The following NELL1 variants were observed in gnomAD, a reference collection of about 807,000 sequenced individuals.
NELL1 encodes protein kinase C-binding protein NELL1.
Under a neutral mutation model 107.4 loss-of-function variants are expected in NELL1, and 76 were observed. The observed-to-expected ratio is 0.71, with a 90% CI of 0.59 to 0.86. NELL1 has a LOEUF of 0.86. NELL1 is among the 40% of genes least tolerant of loss of function. The pLI, the probability that NELL1 is intolerant of heterozygous loss-of-function variation, is 0.00. For synonymous variants in NELL1, 353 were observed against 341.2 expected, an observed-to-expected ratio of 1.03 and a Z score of -0.38; for missense variants, 1,024 against 1,005.5, an observed-to-expected ratio of 1.02 and a Z score of -0.25.
At chr11:21,141,833 G>A (rs905428938) in intron 13 of NELL1, among the ~76,000 whole-genome samples, 3 of 151,404 alleles carry the variant, frequency 2.0e-5, no homozygotes, top group African/African-American at 7.3e-5. Context: ...GCATGATCTC[G>A]GCTCACTGCA....
At chr11:20,904,899 G>T (rs771205989) in intron 5 of NELL1, among the ~76,000 whole-genome samples, 2 of 151,734 alleles carry the variant, frequency 1.3e-5, no homozygotes, top group East Asian at 3.9e-4. Context: ...TATGATCATG[G>T]CTCACTGCAG....
intron 16 of NELL1, among the ~76,000 whole-genome samples, chr11:21,546,111 C>T (rs145647339): frequency 6.6e-6 from 1 of 151,996 alleles, no homozygotes; most frequent in Non-Finnish European, 1.5e-5. Context: ...ATCTTGGCCA[C>T]TAACAATGTG....
intron 14 of NELL1, among the ~76,000 whole-genome samples, chr11:21,362,365 A>G (rs970839518): frequency 6.6e-6 from 1 of 152,214 alleles, no homozygotes; most frequent in African/African-American, 2.4e-5. Context: ...TCTTCCAGCC[A>G]TGGATACCAG....
intron 13 of NELL1, among the ~76,000 whole-genome samples, chr11:21,121,368 A>G (rs1855364116): frequency 6.6e-6 from 1 of 152,294 alleles, no homozygotes; most frequent in African/African-American, 2.4e-5. Context: ...TGAGATGTAT[A>G]AGACGCTGGA....
At chr11:21,101,453 C>G (rs1382417896) in intron 12 of NELL1, among the ~76,000 whole-genome samples, 1 of 152,180 alleles carries the variant, frequency 6.6e-6, no homozygotes, top group Non-Finnish European at 1.5e-5. Flanking sequence ...ACAGTCCCAA[C>G]AACAGTGTAA....
intron 6 of NELL1, 76 bp downstream of exon 6, chr11:20,918,330 A>T (rs1254549572): frequency 2.2e-6 from 2 of 900,404 alleles, no homozygotes; most frequent in Non-Finnish European, 3.7e-6. Context: ...CTGGAAAGAT[A>T]GACCCAAATT....
chr11:21,272,052 G>C (rs1341325417), intron 14 of NELL1, among the ~76,000 whole-genome samples: 1 of 152,154 alleles, frequency 6.6e-6, no homozygotes, highest in East Asian at 1.9e-4. Context: ...TCGGAAAGTG[G>C]GTGCAGGACA....
intron 14 of NELL1, among the ~76,000 whole-genome samples, chr11:21,345,862 T>C (rs1358837277): frequency 6.6e-6 from 1 of 152,222 alleles, no homozygotes; most frequent in Non-Finnish European, 1.5e-5. Context: ...TAGGAATAAC[T>C]GGCACCTTCA....
rs1186921266 is a variant in NELL1 at position 20,677,886 on chromosome 11, TAA to T, written c.56-45_56-44del. On this transcript the variant is annotated intron_variant, in intron 1 of 19. Coordinates refer to ENST00000357134, the MANE Select transcript of NELL1 (RefSeq NM_006157.5). ...CGACTCTGTAACCTCTGAATGCTAG[TAA>T]CAGTCTGCATTTTAAGCCCAAACAA... 11 of 1,610,102 alleles carry T rather than the reference TAA, an allele frequency of 6.8e-6. No individual in the cohort carries two copies. In the African/African-American group the frequency reaches 1.2e-4, roughly 18 times the overall value.
At chr11:21,049,460 C>G (rs1853438068) in intron 12 of NELL1, among the ~76,000 whole-genome samples, 1 of 152,124 alleles carries the variant, frequency 6.6e-6, no homozygotes, top group Admixed American at 6.6e-5. Flanking sequence ...AATTACATCT[C>G]TTTTAGCCAA....
intron 14 of NELL1, among the ~76,000 whole-genome samples, chr11:21,331,033 G>A (rs761744173): frequency 6.6e-6 from 1 of 151,922 alleles, no homozygotes; most frequent in Non-Finnish European, 1.5e-5. Context: ...AGTTATATTA[G>A]TTTCCTACTG....
chr11:21,558,860 T>C (rs1440890155), intron 16 of NELL1, among the ~76,000 whole-genome samples: 1 of 151,936 alleles, frequency 6.6e-6, no homozygotes, highest in Non-Finnish European at 1.5e-5. Context: ...TGAAAGAAGA[T>C]TGAAGAGATA....
chr11:21,412,779 C>T (rs1176229740), intron 15 of NELL1, among the ~76,000 whole-genome samples: 3 of 152,078 alleles, frequency 2.0e-5, no homozygotes, highest in Non-Finnish European at 2.9e-5. Flanking sequence ...TTAAGTATAA[C>T]TCCTGGCCTG....
At chr11:20,731,789 A>G (rs192650701) in intron 2 of NELL1, among the ~76,000 whole-genome samples, 47 of 152,348 alleles carry the variant, frequency 3.1e-4, no homozygotes, top group South Asian at 6.2e-4. Flanking sequence ...AATGCTAAGC[A>G]TATGTCCGGG....
intron 13 of NELL1, among the ~76,000 whole-genome samples, chr11:21,219,298 T>C (rs1857693650): frequency 6.6e-6 from 1 of 152,170 alleles, no homozygotes; most frequent in Non-Finnish European, 1.5e-5. Flanking sequence ...AAGTGAGTGT[T>C]CAGATTATTT....
At chr11:20,870,134 A>C (rs970275232) in intron 4 of NELL1, among the ~76,000 whole-genome samples, 2 of 152,196 alleles carry the variant, frequency 1.3e-5, no homozygotes, top group Non-Finnish European at 2.9e-5. Flanking sequence ...TAAATAGGTA[A>C]GTAGGGCAGG....
chr11:20,693,612 C>G (rs960404397), intron 2 of NELL1, among the ~76,000 whole-genome samples: 1 of 152,092 alleles, frequency 6.6e-6, no homozygotes, highest in Non-Finnish European at 1.5e-5. Flanking sequence ...TGAATATTGG[C>G]CCCCACTCTT....
intron 15 of NELL1, among the ~76,000 whole-genome samples, chr11:21,402,037 A>G (rs1436172628): frequency 3.3e-5 from 5 of 151,804 alleles, no homozygotes; most frequent in Non-Finnish European, 7.4e-5. Context: ...AAAGTCTTCA[A>G]ATCTGGATAT....
At chr11:21,405,665 T>G (rs540020755) in intron 15 of NELL1, among the ~76,000 whole-genome samples, 1 of 152,154 alleles carries the variant, frequency 6.6e-6, no homozygotes, top group South Asian at 2.1e-4. Context: ...TTCTTGGAAC[T>G]AATCCTTTCC....
Sources: allele counts gnomAD v4.1 joint callset (sites outside exome capture counted in the v4.1 genomes callset), GRCh38; gene constraint gnomAD v4.1.1; transcripts MANE v1.5; gene names NCBI Gene and HGNC (gene_info 2026-07-23, HGNC 2026-07-21).